OLFML2A: variants seen among roughly 807,000 people sequenced by gnomAD.
OLFML2A encodes the protein olfactomedin-like protein 2A.
Under a neutral mutation model 60.9 loss-of-function variants are expected in OLFML2A, and 47 were observed. That is an observed-to-expected ratio of 0.77 (90% CI 0.61 to 0.98). The LOEUF is 0.98. OLFML2A is among the 50% of genes least tolerant of loss of function. OLFML2A has a pLI of 0.00. For synonymous variants in OLFML2A, 372 were observed against 375.0 expected (o/e 0.99, Z 0.09); for missense variants, 922 against 879.8 (o/e 1.05, Z -0.61).
At chr9:124,784,111 A>G (rs963859016) in intron 1 of OLFML2A, among the ~76,000 whole-genome samples, 1 of 152,148 alleles carries the variant, frequency 6.6e-6, no homozygotes, top group African/African-American at 2.4e-5. Flanking sequence ...AAGGGAGAGT[A>G]TCAACTCACA....
chr9:124,781,754 A>T (rs1033497534), intron 1 of OLFML2A, among the ~76,000 whole-genome samples: 1 of 151,228 alleles, frequency 6.6e-6, no homozygotes, highest in Non-Finnish European at 1.5e-5. Flanking sequence ...AGATCGCGCC[A>T]TTGCACTCCA....
Position 124,810,504 on chromosome 9 carries a change from T to G in OLFML2A, c.*92T>G. On this transcript the variant is annotated 3_prime_UTR_variant, in exon 8 of 8. Transcript: ENST00000373580. ...ACTGACCCAGTCCGCAAATATTTAT[T>G]GGGGGCCAGCCCAGGGCTGGGACTG... The G allele has an allele frequency of 1.5e-6, 2 of 1,320,498 alleles. No homozygotes were observed. Among genetic ancestry groups the G allele is most frequent in the South Asian group, 2.9e-5 (2 of 68,048 alleles). The allele number at this position is 1,320,498 out of a possible 1,614,324, so 81.8% of individuals were successfully genotyped here.
intron 1 of OLFML2A, among the ~76,000 whole-genome samples, chr9:124,784,940 C>CTTTTTTTTTTTTT (rs1461676348): frequency 6.0e-5 from 3 of 50,048 alleles, no homozygotes; most frequent in Admixed American, 2.4e-4. Context: ...ATTCCTTTTA[C>CTTTTTTTTTTTTT]TTGTTTTTTT....
At chr9:124,809,002 A>T (rs974854739) in intron 7 of OLFML2A, among the ~76,000 whole-genome samples, 25 of 80,680 alleles carry the variant, frequency 3.1e-4, no homozygotes, top group African/African-American at 4.8e-4. Context: ...CTAAAAAATT[A>T]AAAAAAAAAA....
chr9:124,806,664 C>G (rs987783925), intron 6 of OLFML2A, among the ~76,000 whole-genome samples: 1 of 151,526 alleles, frequency 6.6e-6, no homozygotes, highest in African/African-American at 2.4e-5. Flanking sequence ...CTCTGTCACC[C>G]GGCTGGAGTG....
At chr9:124,792,412 G>A (rs1564283949) in intron 2 of OLFML2A, among the ~76,000 whole-genome samples, 1 of 152,338 alleles carries the variant, frequency 6.6e-6, no homozygotes, top group East Asian at 1.9e-4. Flanking sequence ...GGATGCCTAT[G>A]TGTCACTACC....
intron 6 of OLFML2A, among the ~76,000 whole-genome samples, chr9:124,806,137 AT>A (rs1463067408): frequency 6.6e-6 from 1 of 151,884 alleles, no homozygotes; most frequent in African/African-American, 2.4e-5. Context: ...TTAGGTTTTT[AT>A]TTTTTATCTT....
Position 124,786,903 on chromosome 9 carries a change from T to C in OLFML2A, c.91-72T>C. Reference sequence around the variant, plus strand: ...CTGGCTGGCCAGCTGGCTTCTGCCATCTCTCCCTTCCTCCCTGCCATAGCA... The same window carrying C: ...CTGGCTGGCCAGCTGGCTTCTGCCACCTCTCCCTTCCTCCCTGCCATAGCA... On this transcript the variant is annotated intron_variant, in intron 1 of 7. Transcript: ENST00000373580. 1.5e-5 allele frequency: 23 copies of C among 1,515,672 alleles called. No homozygotes were observed. The South Asian group carries it at 2.7e-4, about 18-fold the overall frequency. The allele number at this position is 1,515,672 out of a possible 1,614,324, so 93.9% of individuals were successfully genotyped here. A position where few individuals can be genotyped will look rare whatever the true frequency, so the allele number is the denominator to read the frequency against.
At position 124,795,156 on chromosome 9, in the gene OLFML2A, G is replaced by C. The variant is rs762351331; in HGVS notation, c.462+25G>C. The stretch of plus-strand genomic sequence containing the variant: ...GGTAAGGGCGGGGCTGCCGCCAGAG[G>C]CCAGGCTGCTCTGGTGCTGGGGGCC... On this transcript the variant is annotated intron_variant, in intron 3 of 7. Transcript: ENST00000373580. The C allele has an allele frequency of 1.1e-5, 15 of 1,401,154 alleles. No homozygotes were observed. In the South Asian group the frequency reaches 1.8e-4, roughly 17 times the overall value. 86.8% of individuals were successfully genotyped at this position (1,401,154 alleles called of 1,614,324 possible).
At chr9:124,801,364 C>T (rs1405828258) in intron 4 of OLFML2A, 50 bp from the exon 5 acceptor site, 2 of 1,601,186 alleles carry the variant, frequency 1.2e-6, no homozygotes, top group Admixed American at 1.7e-5. Flanking sequence ...GGACTCCCCA[C>T]AACATTTCTT....
intron 6 of OLFML2A, among the ~76,000 whole-genome samples, chr9:124,805,808 G>GTTTTTTTTTTTTTTTTT (rs59555267): frequency 1.1e-4 from 8 of 71,282 alleles, no homozygotes; most frequent in Admixed American, 2.2e-4. Flanking sequence ...GGTTTTTTTG[G>GTTTTTTTTTTTTTTTTT]TTTTTTTTTT....
chr9:124,810,595 C>A lies in OLFML2A; in HGVS notation c.*183C>A. Reference sequence around the variant, plus strand: ...AGTGGGTAATACTTGCTTCCACTTGCAGAGCACCGTGCCAAGCACTTCCCA... The same window carrying A: ...AGTGGGTAATACTTGCTTCCACTTGAAGAGCACCGTGCCAAGCACTTCCCA... On this transcript the variant is annotated 3_prime_UTR_variant, in exon 8 of 8. Transcript: ENST00000373580. 1 of 620,346 alleles carries A rather than the reference C, an allele frequency of 1.6e-6. No homozygotes were observed. 38.4% of individuals were successfully genotyped at this position (620,346 alleles called of 1,614,324 possible).
In OLFML2A at chr9:124,784,943, G is replaced by GTTTTTTTTTTTTTTTTTTTTTTTTT. The variant is rs750733365; in HGVS notation, c.91-2028_91-2004dup. On this transcript the variant is annotated intron_variant, in intron 1 of 7. Coordinates refer to ENST00000373580, the MANE Select transcript of OLFML2A (RefSeq NM_182487.4). ...AATCAGTACTGCATTCCTTTTACTT[G>GTTTTTTTTTTTTTTTTTTTTTTTTT]TTTTTTTTTTTTTTTTTTTTTTTTT... 4.2e-4 allele frequency among the ~76,000 whole-genome samples: 29 copies of GTTTTTTTTTTTTTTTTTTTTTTTTT among 69,592 alleles called. 10 individuals are homozygous for GTTTTTTTTTTTTTTTTTTTTTTTTT. Among genetic ancestry groups the GTTTTTTTTTTTTTTTTTTTTTTTTT allele is most frequent in the African/African-American group, 1.4e-3 (21 of 15,452 alleles). The allele number at this position is 69,592 out of a possible 152,430, so 45.7% of individuals were successfully genotyped here. A position where few individuals can be genotyped will look rare whatever the true frequency, so the allele number is the denominator to read the frequency against.
chr9:124,789,138 C>T (rs1319397511), intron 2 of OLFML2A, among the ~76,000 whole-genome samples: 1 of 152,190 alleles, frequency 6.6e-6, no homozygotes. Context: ...CTATGTTGCT[C>T]AGGCTAATCT....
rs866922332 is a variant in OLFML2A, at chr9:124,778,494, G to A, written c.90+1134G>A. On this transcript the variant is annotated intron_variant, in intron 1 of 7. Coordinates refer to ENST00000373580, the MANE Select transcript of OLFML2A (RefSeq NM_182487.4). ...TTTGGGAGGCCAAGGCAGGTGGATCGCTTGAGGCCAGGAGTTCAGGACCAG... is the reference window on the plus strand; with the variant it reads ...TTTGGGAGGCCAAGGCAGGTGGATCACTTGAGGCCAGGAGTTCAGGACCAG... Among the ~76,000 whole-genome samples, 4 of 152,102 alleles carry A rather than the reference G, an allele frequency of 2.6e-5. No homozygotes were observed. In the South Asian group the frequency reaches 6.2e-4, roughly 24 times the overall value.
In OLFML2A at chr9:124,799,264, C is replaced by A. The variant is rs180880254; in HGVS notation, c.463-21C>A. On this transcript the variant is annotated intron_variant, in intron 3 of 7. Transcript: ENST00000373580. ...GAGGAAGCTGGCCCAGGAAAGACCT[C>A]CAATCCTGCCCCCTCCGCAGAGCAT... 2.0e-4 allele frequency: 313 copies of A among 1,564,378 alleles called. 1 individual carries two copies. In the East Asian group the frequency reaches 6.6e-3, roughly 33 times the overall value.
chr9:124,786,774 A>G (rs1291829176), intron 1 of OLFML2A, among the ~76,000 whole-genome samples: 1 of 151,198 alleles, frequency 6.6e-6, no homozygotes, highest in African/African-American at 2.4e-5. Flanking sequence ...ACACACACAC[A>G]CACACACACA....
chr9:124,786,880 G>A, intron 1 of OLFML2A, 95 bp from the exon 2 acceptor site: 1 of 1,346,054 alleles, frequency 7.4e-7, no homozygotes, highest in Non-Finnish European at 1.0e-6. Flanking sequence ...TCCCAAGGCT[G>A]GCTGGCCAGC....
In OLFML2A at chr9:124,804,223, T is replaced by C. The variant is rs1185887917; in HGVS notation, c.1049T>C (p.Leu350Pro). ...AEPRSSERVD[L>P]ASGTPTSIPA... ...CCCAGGTCCTCCGAGCGAGTGGACCTGGCTTCTGGCACCCCCACTTCAATC... is the reference window on the plus strand; with the variant it reads ...CCCAGGTCCTCCGAGCGAGTGGACCCGGCTTCTGGCACCCCCACTTCAATC... The change falls in exon 6 of 8, where the codon CTG becomes CCG. Residue 350 changes from leucine (L) to proline (P), a missense_variant. Coordinates refer to ENST00000373580, the MANE Select transcript of OLFML2A (RefSeq NM_182487.4). 1 of 1,613,904 alleles carries C rather than the reference T, an allele frequency of 6.2e-7. No individual in the cohort carries two copies. The highest frequency in any genetic ancestry group is 1.3e-5 in the African/African-American group (1 of 74,998).
Sources: allele counts gnomAD v4.1 joint callset (sites outside exome capture counted in the v4.1 genomes callset), GRCh38; gene constraint gnomAD v4.1.1; transcripts MANE v1.5; gene names NCBI Gene and HGNC (gene_info 2026-07-23, HGNC 2026-07-21).